DORIP1: variants seen among roughly 807,000 people sequenced by gnomAD.
DORIP1 encodes the protein dopamine receptor interacting protein 1.
chr14:44,906,239 T>TACAAATAAATTATATAACTA, the DORIP1 span: 4 of 151,956 alleles, frequency 2.6e-5, no homozygotes, highest in African/African-American at 9.7e-5. Context: ...TTCACGTTAT[T>TACAAATAAATTATATAACTA]ACAAATAAAT....
At chr14:44,907,166 C>G in the DORIP1 span, 2 of 152,600 alleles carry the variant, frequency 1.3e-5, no homozygotes, top group African/African-American at 4.8e-5. Context: ...ACCTACCTCA[C>G]AGGGTTGTTG....
At chr14:44,901,575 TA>T in the DORIP1 span, among the ~76,000 whole-genome samples, 1 of 152,252 alleles carries the variant, frequency 6.6e-6, no homozygotes, top group Non-Finnish European at 1.5e-5. Flanking sequence ...AATTTACTAA[TA>T]TGACTATAGA....
the DORIP1 span, chr14:44,904,944 G>GT: frequency 1.2e-5 from 2 of 170,198 alleles, no homozygotes; most frequent in Admixed American, 1.2e-4. Context: ...TAATAGCACA[G>GT]TATTTTGTGC....
the DORIP1 span, chr14:44,903,737 G>C: frequency 1.0e-6 from 1 of 963,528 alleles, no homozygotes; most frequent in African/African-American, 1.8e-5. Context: ...TTAGAAGGAT[G>C]ATCTTATTGC....
chr14:44,900,875 T>C, the DORIP1 span: 3 of 1,613,962 alleles, frequency 1.9e-6, no homozygotes, highest in African/African-American at 2.7e-5. Flanking sequence ...GAAAATCTCA[T>C]GTCTACCATT....
chr14:44,900,874 A>G, the DORIP1 span: 4 of 1,613,608 alleles, frequency 2.5e-6, no homozygotes, highest in Non-Finnish European at 3.4e-6. Flanking sequence ...TGAAAATCTC[A>G]TGTCTACCAT....
the DORIP1 span, among the ~76,000 whole-genome samples, chr14:44,899,619 T>C: frequency 6.6e-6 from 1 of 152,038 alleles, no homozygotes; most frequent in Non-Finnish European, 1.5e-5. Context: ...AAATATGTAG[T>C]ATAGTTAATA....
the DORIP1 span, chr14:44,905,511 C>A: frequency 6.5e-7 from 1 of 1,542,264 alleles, no homozygotes; most frequent in Non-Finnish European, 8.8e-7. Context: ...AGTTTCTCCT[C>A]TTGTCATCAT....
the DORIP1 span, chr14:44,904,788 C>A: frequency 3.3e-6 from 1 of 306,162 alleles, no homozygotes; most frequent in African/African-American, 2.2e-5. Context: ...TAACCTTGGG[C>A]CAACAACTTA....
the DORIP1 span, chr14:44,903,559 T>C: frequency 2.8e-6 from 3 of 1,067,894 alleles, no homozygotes; most frequent in East Asian, 6.3e-5. Flanking sequence ...ACCCAGCTAA[T>C]TGGGACCCTC....
At chr14:44,905,472 GAATTT>G in the DORIP1 span, 1 of 1,564,394 alleles carries the variant, frequency 6.4e-7, no homozygotes, top group Non-Finnish European at 8.7e-7. Flanking sequence ...TCAGAAATGT[GAATTT>G]AATTTTGTTA....
At chr14:44,899,560 A>G in the DORIP1 span, among the ~76,000 whole-genome samples, 1 of 151,264 alleles carries the variant, frequency 6.6e-6, no homozygotes, top group South Asian at 2.1e-4. Context: ...CTTAGTCTAT[A>G]TAGCAACAGG....
chr14:44,900,576 C>T, the DORIP1 span: 1 of 1,611,440 alleles, frequency 6.2e-7, no homozygotes, highest in Non-Finnish European at 8.5e-7. Context: ...GTACACCACT[C>T]TATGTTGAAA....
At chr14:44,906,928 A>T in the DORIP1 span, 51 of 152,240 alleles carry the variant, frequency 3.3e-4, no homozygotes, top group Admixed American at 9.2e-4. Flanking sequence ...TTACAAAAAA[A>T]AAAAATTCAC....
the DORIP1 span, chr14:44,903,707 T>G: frequency 4.1e-6 from 4 of 967,764 alleles, no homozygotes; most frequent in Non-Finnish European, 4.9e-6. Flanking sequence ...ACTACATTAT[T>G]GTATAATGAG....
chr14:44,901,050 G>C, the DORIP1 span: 13 of 1,347,088 alleles, frequency 9.7e-6, no homozygotes, highest in Non-Finnish European at 1.2e-5. Flanking sequence ...AATGACATTT[G>C]GGTCAACAAA....
the DORIP1 span, among the ~76,000 whole-genome samples, chr14:44,901,630 T>C: frequency 1.8e-4 from 27 of 152,332 alleles, no homozygotes; most frequent in African/African-American, 6.0e-4. Context: ...GAGCGCTTAA[T>C]ACTGTTTTGG....
the DORIP1 span, chr14:44,897,486 G>T: frequency 4.8e-6 from 1 of 208,330 alleles, no homozygotes; most frequent in Non-Finnish European, 9.4e-6. Flanking sequence ...CGGCGGCGGC[G>T]GCGGCGGCAG....
the DORIP1 span, chr14:44,903,124 G>T: frequency 1.0e-6 from 1 of 971,770 alleles, no homozygotes; most frequent in Non-Finnish European, 1.6e-6. Context: ...TGCTAATAAA[G>T]GACTGAGCTG....
Sources: allele counts gnomAD v4.1 joint callset (sites outside exome capture counted in the v4.1 genomes callset), GRCh38; gene constraint gnomAD v4.1.1; transcripts MANE v1.5; gene names NCBI Gene and HGNC (gene_info 2026-07-23, HGNC 2026-07-21).